Variants in SERGEF observed in about 807,000 individuals in gnomAD.
SERGEF encodes the protein secretion-regulating guanine nucleotide exchange factor.
SERGEF carries 51 observed loss-of-function variants against 50.0 expected under a neutral mutation model. The observed-to-expected ratio is 1.02, with a 90% CI of 0.81 to 1.29. The LOEUF (loss-of-function observed/expected upper bound fraction) is 1.29. Among genes scored for constraint, SERGEF ranks in the 50% most tolerant of loss-of-function variants. SERGEF has a pLI of 0.00. For missense variants in SERGEF, 521 were observed against 557.0 expected (o/e 0.94, Z 0.65); for synonymous variants, 205 against 212.4 (o/e 0.97, Z 0.30).
intron 9 of SERGEF, among the ~76,000 whole-genome samples, chr11:17,908,888 T>C (rs1319772688): frequency 6.6e-6 from 1 of 152,184 alleles, no homozygotes; most frequent in Non-Finnish European, 1.5e-5. Flanking sequence ...GGTTCCGTCA[T>C]CAGCATGAGA....
At chr11:18,005,710 G>A (rs958805391) in intron 3 of SERGEF, among the ~76,000 whole-genome samples, 3 of 152,170 alleles carry the variant, frequency 2.0e-5, no homozygotes, top group African/African-American at 7.2e-5. Flanking sequence ...CTGCTTCAAG[G>A]GAACAGACGT....
intron 9 of SERGEF, among the ~76,000 whole-genome samples, chr11:17,957,738 G>GA (rs201005017): frequency 0.21 from 28,840 of 134,686 alleles, 3,540 homozygotes; most frequent in Non-Finnish European, 0.29. Context: ...CTAGTGGTGG[G>GA]AAAAAAAAAA....
At chr11:17,986,317 C>T (rs765293566) in intron 8 of SERGEF, among the ~76,000 whole-genome samples, 2 of 152,192 alleles carry the variant, frequency 1.3e-5, no homozygotes, top group Non-Finnish European at 2.9e-5. Context: ...CTCCCATTTA[C>T]CCAAAATTCA....
intron 10 of SERGEF, among the ~76,000 whole-genome samples, chr11:17,857,341 G>A (rs1337497540): frequency 6.6e-6 from 1 of 152,128 alleles, no homozygotes; most frequent in East Asian, 1.9e-4. Context: ...CACCATGAAA[G>A]TCTGTGGTTC....
intron 9 of SERGEF, among the ~76,000 whole-genome samples, chr11:17,957,366 C>G (rs1045464610): frequency 1.3e-5 from 2 of 152,152 alleles, no homozygotes; most frequent in Non-Finnish European, 2.9e-5. Flanking sequence ...AATACCAATA[C>G]CTTAGGTATT....
intron 10 of SERGEF, among the ~76,000 whole-genome samples, chr11:17,832,398 C>T (rs1040052702): frequency 1.3e-5 from 2 of 152,196 alleles, no homozygotes; most frequent in African/African-American, 4.8e-5. Flanking sequence ...TCCCCAGCCA[C>T]GTGGAACTGT....
rs896016768 is a variant in SERGEF at position 18,008,215 on chromosome 11, A to C, written c.61-139T>G. The C allele has an allele frequency of 4.9e-6, 4 of 817,352 alleles. No individual in the cohort carries two copies. In the South Asian group the frequency reaches 1.2e-4, roughly 24 times the overall value. The allele number at this position is 817,352 out of a possible 1,614,324, so 50.6% of individuals were successfully genotyped here. A position where few individuals can be genotyped will look rare whatever the true frequency, so the allele number is the denominator to read the frequency against. Reference sequence around the variant, plus strand: ...AGATTTATTAGGCTCATTCTTTTTTAAAAAAAAATTTTTAGCTCCTTCACG... The same window carrying C: ...AGATTTATTAGGCTCATTCTTTTTTCAAAAAAAATTTTTAGCTCCTTCACG... On this transcript the variant is annotated intron_variant, in intron 1 of 10. Coordinates refer to ENST00000265965, the MANE Select transcript of SERGEF (RefSeq NM_012139.4).
intron 10 of SERGEF, among the ~76,000 whole-genome samples, chr11:17,814,751 A>G (rs1849933299): frequency 6.6e-6 from 1 of 152,256 alleles, no homozygotes; most frequent in South Asian, 2.1e-4. Context: ...ACTCTGGGAC[A>G]GAATTCCTGG....
rs114522677 is a variant in SERGEF at position 17,961,342 on chromosome 11, T to C, written c.845-1706A>G. On this transcript the variant is annotated intron_variant, in intron 8 of 10. Transcript: ENST00000265965. ...CCATAGGGCATCCAAAACTGGCAAA[T>C]TGTCCCTCTACCTGAGCTGGCTAGG... 7.5e-3 allele frequency among the ~76,000 whole-genome samples: 1,136 copies of C among 152,256 alleles called. 21 individuals carry two copies. Among genetic ancestry groups the C allele is most frequent in the African/African-American group, 0.025 (1,056 of 41,550 alleles).
chr11:17,911,162 T>C (rs1352301175), intron 9 of SERGEF, among the ~76,000 whole-genome samples: 1 of 151,900 alleles, frequency 6.6e-6, no homozygotes, highest in East Asian at 1.9e-4. Context: ...CTACTCAATC[T>C]TCCCTGCAAT....
At chr11:17,826,188 G>A (rs1468486852) in intron 10 of SERGEF, among the ~76,000 whole-genome samples, 1 of 152,184 alleles carries the variant, frequency 6.6e-6, no homozygotes, top group African/African-American at 2.4e-5. Context: ...TTCACCATAA[G>A]GTAGATGCTA....
At chr11:17,881,844 G>A (rs1851336934) in intron 9 of SERGEF, among the ~76,000 whole-genome samples, 1 of 152,096 alleles carries the variant, frequency 6.6e-6, no homozygotes, top group Admixed American at 6.5e-5. Context: ...ATCTGACCAT[G>A]TCATGCCCAT....
intron 10 of SERGEF, among the ~76,000 whole-genome samples, chr11:17,794,905 A>G (rs542816534): frequency 6.6e-6 from 1 of 152,344 alleles, no homozygotes; most frequent in South Asian, 2.1e-4. Flanking sequence ...CTGGCGAGAG[A>G]AAGATACTGT....
intron 10 of SERGEF, among the ~76,000 whole-genome samples, chr11:17,794,972 C>G (rs998805465): frequency 3.3e-5 from 5 of 152,190 alleles, no homozygotes; most frequent in East Asian, 1.9e-4. Flanking sequence ...GGCCCTGCCC[C>G]CTTCTGCATC....
chr11:17,866,992 A>G, intron 10 of SERGEF: 1 of 152,160 alleles, frequency 6.6e-6, no homozygotes, highest in East Asian at 1.9e-4. Flanking sequence ...ATTACCTCCC[A>G]CTGTGTCTCT....
At chr11:17,962,749 AG>A (rs1853034927) in intron 8 of SERGEF, among the ~76,000 whole-genome samples, 1 of 152,226 alleles carries the variant, frequency 6.6e-6, no homozygotes, top group Non-Finnish European at 1.5e-5. Flanking sequence ...AGAACACCTA[AG>A]GGGTCTGGAA....
In SERGEF at chr11:17,848,229, T is replaced by C. The variant is rs544246318; in HGVS notation, c.1048+29979A>G. The stretch of plus-strand genomic sequence containing the variant: ...ATATGTGTTAGAGCCAAGTTACAAA[T>C]TTTATAGAAAGAAGGATGAAGGAGC... On this transcript the variant is annotated intron_variant, in intron 10 of 10. Transcript: ENST00000265965. Among the ~76,000 whole-genome samples the C allele has an allele frequency of 2.4e-4, 36 of 152,208 alleles. No homozygotes were observed. The Middle Eastern group carries it at 0.01, about 43-fold the overall frequency.
intron 9 of SERGEF, among the ~76,000 whole-genome samples, chr11:17,893,229 T>C (rs1316593747): frequency 2.0e-5 from 3 of 152,160 alleles, no homozygotes; most frequent in Admixed American, 6.5e-5. Flanking sequence ...CTTTTTTAAA[T>C]AGATGAGAAA....
rs537366316 is a variant in SERGEF, at chr11:17,912,554, C to A, written c.1012-34310G>T. On this transcript the variant is annotated intron_variant, in intron 9 of 10. Coordinates refer to ENST00000265965, the MANE Select transcript of SERGEF (RefSeq NM_012139.4). ...ATTAAAAAGTTTAAAAACCAAGGAA[C>A]GAACTGAACATCATCTAATGTATGC... Among the ~76,000 whole-genome samples the A allele has an allele frequency of 6.6e-5, 10 of 152,280 alleles. No individual in the cohort carries two copies. The South Asian group carries it at 1.4e-3, about 22-fold the overall frequency.
Sources: gnomAD v4.1 joint callset for allele counts (sites outside exome capture counted in the v4.1 genomes callset) on GRCh38, gnomAD v4.1.1 for gene constraint, MANE v1.5 for transcripts, NCBI Gene and HGNC (gene_info 2026-07-23, HGNC 2026-07-21) for gene names.